The following ITGB3BP variants were observed in gnomAD, a reference collection of about 807,000 sequenced individuals.
ITGB3BP encodes the protein integrin subunit beta 3 binding protein.
In ITGB3BP, 27 loss-of-function variants were observed where a neutral mutation model predicts 29.1. The ratio of observed to expected loss-of-function variants is 0.93; its 90% CI spans 0.68 to 1.28. The LOEUF is 1.28. Among genes scored for constraint, ITGB3BP ranks in the 50% most tolerant of loss-of-function variants. The pLI is 0.00. For synonymous variants in ITGB3BP, 61 were observed against 61.4 expected (o/e 0.99, Z 0.03); for missense variants, 192 against 200.2 (o/e 0.96, Z 0.25).
intron 4 of ITGB3BP, among the ~76,000 whole-genome samples, chr1:63,477,392 T>C (rs1015935143): frequency 2.0e-5 from 3 of 152,138 alleles, no homozygotes; most frequent in African/African-American, 2.4e-5. Flanking sequence ...CATTTCTAAA[T>C]TGAGGAAGGT....
At chr1:63,492,205 G>A (rs1310460720) in intron 2 of ITGB3BP, among the ~76,000 whole-genome samples, 1 of 151,842 alleles carries the variant, frequency 6.6e-6, no homozygotes, top group Non-Finnish European at 1.5e-5. Context: ...GTGTGTGTGT[G>A]TGTGTGTGTG....
At chr1:63,450,188 A>T (rs1644842898) in intron 7 of ITGB3BP, among the ~76,000 whole-genome samples, 1 of 151,970 alleles carries the variant, frequency 6.6e-6, no homozygotes, top group African/African-American at 2.4e-5. Context: ...AAATTCTGAA[A>T]TATTTTCTAT....
chr1:63,449,907 T>C (rs1251111965), intron 7 of ITGB3BP: 1 of 152,478 alleles, frequency 6.6e-6, no homozygotes, highest in Non-Finnish European at 1.5e-5. Flanking sequence ...TCAGCTGATA[T>C]GATGAATACT....
intron 2 of ITGB3BP, among the ~76,000 whole-genome samples, chr1:63,491,113 C>T (rs1483653349): frequency 6.6e-6 from 1 of 152,112 alleles, no homozygotes; most frequent in Non-Finnish European, 1.5e-5. Flanking sequence ...TTTATCTTCC[C>T]CAAGACCTAG....
chr1:63,443,797 G>C lies in ITGB3BP; in HGVS notation c.*2-2694C>G, dbSNP rs762523712. 5.3e-5 allele frequency among the ~76,000 whole-genome samples: 8 copies of C among 152,248 alleles called. No homozygotes were observed. The East Asian group carries it at 7.7e-4, about 15-fold the overall frequency. On this transcript the variant is annotated intron_variant, in intron 8 of 8. Transcript: ENST00000271002. ...GTTTGGATGTGGGGACAAAGAGAGA[G>C]AGAATTTGACCAATGGAATGATATA... is the stretch of plus-strand genomic sequence containing the variant.
chr1:63,491,726 T>C (rs1645651830), intron 2 of ITGB3BP, among the ~76,000 whole-genome samples: 1 of 152,326 alleles, frequency 6.6e-6, no homozygotes, highest in Admixed American at 6.5e-5. Flanking sequence ...TTTAATTATA[T>C]TGAGAAATGA....
chr1:63,444,290 T>G (rs562126417), intron 8 of ITGB3BP, among the ~76,000 whole-genome samples: 2 of 152,164 alleles, frequency 1.3e-5, no homozygotes, highest in East Asian at 3.9e-4. Context: ...TGTTGCACGT[T>G]CATTTACTAA....
At chr1:63,475,009 C>T (rs1441355674) in intron 4 of ITGB3BP, among the ~76,000 whole-genome samples, 3 of 152,176 alleles carry the variant, frequency 2.0e-5, no homozygotes, top group East Asian at 1.9e-4. Context: ...AGGTCTCACC[C>T]GGTCGCTTAG....
intron 1 of ITGB3BP, among the ~76,000 whole-genome samples, chr1:63,518,388 G>A (rs1255894742): frequency 6.6e-6 from 1 of 152,090 alleles, no homozygotes; most frequent in Non-Finnish European, 1.5e-5. Flanking sequence ...AAGTTGTCAA[G>A]TTTACTGGAA....
At chr1:63,512,368 AC>A in intron 1 of ITGB3BP, among the ~76,000 whole-genome samples, 1 of 152,220 alleles carries the variant, frequency 6.6e-6, no homozygotes, top group East Asian at 1.9e-4. Flanking sequence ...AATGTTATTG[AC>A]TAACATCAGT....
At chr1:63,500,011 T>C (rs550984248) in intron 2 of ITGB3BP, among the ~76,000 whole-genome samples, 60 of 152,242 alleles carry the variant, frequency 3.9e-4, no homozygotes, top group African/African-American at 1.4e-3. Context: ...GAAAAAGAAA[T>C]AAAAGGCGTA....
At chr1:63,523,088 A>T (rs1646499047) in intron 1 of ITGB3BP, 41 bp downstream of exon 1, 1 of 1,612,142 alleles carries the variant, frequency 6.2e-7, no homozygotes, top group Non-Finnish European at 8.5e-7. Flanking sequence ...CTTCTTGCAG[A>T]GGGCCCCCAA....
At chr1:63,512,924 G>A (rs1051972938) in intron 1 of ITGB3BP, among the ~76,000 whole-genome samples, 1 of 152,084 alleles carries the variant, frequency 6.6e-6, no homozygotes, top group African/African-American at 2.4e-5. Context: ...TCCTTGACCT[G>A]GACATTTTTC....
intron 2 of ITGB3BP, among the ~76,000 whole-genome samples, chr1:63,495,816 G>A (rs1645772798): frequency 6.6e-6 from 1 of 152,044 alleles, no homozygotes; most frequent in African/African-American, 2.4e-5. Context: ...TTTTAAACAA[G>A]GATATATAAT....
intron 2 of ITGB3BP, among the ~76,000 whole-genome samples, chr1:63,504,575 T>C (rs1274432461): frequency 6.6e-6 from 1 of 152,192 alleles, no homozygotes; most frequent in East Asian, 1.9e-4. Context: ...AGAGAGGGCA[T>C]CCTTGCCTTG....
At chr1:63,495,213 G>A (rs1301613068) in intron 2 of ITGB3BP, among the ~76,000 whole-genome samples, 1 of 152,074 alleles carries the variant, frequency 6.6e-6, no homozygotes, top group Non-Finnish European at 1.5e-5. Context: ...TATATGAAGT[G>A]AATTTTTTTC....
intron 4 of ITGB3BP, chr1:63,457,887 T>C (rs949627761): frequency 1.4e-4 from 22 of 152,166 alleles, no homozygotes; most frequent in African/African-American, 4.8e-4. Flanking sequence ...CTAAGAAATC[T>C]GAAGTCTTGG....
chr1:63,441,362 T>C (rs1436695013), intron 8 of ITGB3BP, among the ~76,000 whole-genome samples: 5 of 152,084 alleles, frequency 3.3e-5, no homozygotes, highest in Admixed American at 3.3e-4. Context: ...CTCAGTCTCC[T>C]GAGTAGCTGG....
intron 2 of ITGB3BP, among the ~76,000 whole-genome samples, chr1:63,495,236 ATT>A (rs938951939): frequency 6.6e-6 from 1 of 152,214 alleles, no homozygotes; most frequent in Admixed American, 6.5e-5. Flanking sequence ...GATGGTTACC[ATT>A]TATTAAAGAC....
Sources: allele counts gnomAD v4.1 joint callset (sites outside exome capture counted in the v4.1 genomes callset), GRCh38; gene constraint gnomAD v4.1.1; transcripts MANE v1.5; gene names NCBI Gene and HGNC (gene_info 2026-07-23, HGNC 2026-07-21).